The following SLC2A9 variants were observed in gnomAD, a reference collection of about 807,000 sequenced individuals.
The protein encoded by SLC2A9 is solute carrier family 2 member 9.
A neutral mutation model predicts 50.6 loss-of-function variants in SLC2A9; 39 were observed. That is an observed-to-expected ratio of 0.77 (90% confidence interval 0.60 to 1.01). SLC2A9 has a LOEUF of 1.01. SLC2A9 is among the 50% of genes least tolerant of loss of function. The pLI, the probability that SLC2A9 is intolerant of heterozygous loss-of-function variation, is 0.00. For missense variants in SLC2A9, 686 were observed against 677.6 expected (o/e 1.01, Z -0.14); for synonymous variants, 324 against 276.9 (o/e 1.17, Z -1.69).
At chr4:10,014,651 C>G (rs921868216) in intron 2 of SLC2A9, among the ~76,000 whole-genome samples, 1 of 152,208 alleles carries the variant, frequency 6.6e-6, no homozygotes, top group African/African-American at 2.4e-5. Context: ...CTGACCTCCC[C>G]AGGTAGAATA....
intron 5 of SLC2A9, among the ~76,000 whole-genome samples, chr4:9,976,350 TTCTC>T (rs34377168): frequency 1.3e-5 from 2 of 152,074 alleles, no homozygotes; most frequent in African/African-American, 4.8e-5. Context: ...AGCCCAGTTT[TTCTC>T]TCTCTTTTTT....
At chr4:9,777,098 C>T (rs185256774), downstream of SLC2A9, among the ~76,000 whole-genome samples, 98 of 152,242 alleles carry the variant, frequency 6.4e-4, no homozygotes, top group East Asian at 4.6e-3. Context: ...CACTGTATGA[C>T]ATTGTTTATT....
rs775037567 is a variant in SLC2A9, at chr4:9,920,452, T to C, written c.935A>G (p.Tyr312Cys). 6 of 1,614,132 alleles carry C rather than the reference T, an allele frequency of 3.7e-6. No individual in the cohort carries two copies. The East Asian group carries it at 1.3e-4, about 36-fold the overall frequency. Residue 312 changes from tyrosine to cysteine, a missense_variant, in exon 7 of 12, where the codon TAC becomes TGC. Physicochemically the swap from Tyr to Cys is radical, Grantham distance 194. Transcript: ENST00000264784. ...VSVLELLRAPYVRWQVVTVIV... is the reference protein window; with the variant it reads ...VSVLELLRAPCVRWQVVTVIV... ...CACGGTGACCACCTGCCAGCGGACGTAGGGAGCTCTCAGCAGCTCCAGCAC... is the reference window on the plus strand; with the variant it reads ...CACGGTGACCACCTGCCAGCGGACGCAGGGAGCTCTCAGCAGCTCCAGCAC...
intron 10 of SLC2A9, among the ~76,000 whole-genome samples, chr4:9,864,807 G>A (rs368139904): frequency 6.6e-6 from 1 of 152,258 alleles, no homozygotes; most frequent in African/African-American, 2.4e-5. Flanking sequence ...CAAACCCTGT[G>A]CCTGTGTTGT....
chr4:9,934,353 G>T (rs1746685417), intron 6 of SLC2A9, among the ~76,000 whole-genome samples: 1 of 152,200 alleles, frequency 6.6e-6, no homozygotes, highest in African/African-American at 2.4e-5. Context: ...GCTTCCCTGG[G>T]TAGCTGGACA....
At chr4:10,019,446 C>T (rs548254683) in intron 1 of SLC2A9, among the ~76,000 whole-genome samples, 1 of 152,360 alleles carries the variant, frequency 6.6e-6, no homozygotes, top group African/African-American at 2.4e-5. Context: ...GCGCTATCAG[C>T]CAGGCGTGAT....
chr4:9,917,737 G>A (rs1477523090), intron 7 of SLC2A9, among the ~76,000 whole-genome samples: 2 of 152,144 alleles, frequency 1.3e-5, no homozygotes, highest in Non-Finnish European at 2.9e-5. Flanking sequence ...TCTCAGCCAG[G>A]GGCAATTTTG....
chr4:9,880,175 G>C (rs956251735), intron 10 of SLC2A9: 52 of 985,368 alleles, frequency 5.3e-5, no homozygotes, highest in Non-Finnish European at 6.1e-5. Flanking sequence ...CATGGTCTAA[G>C]TGGCAGCTTT....
At chr4:9,795,795 T>C (rs1288910882), downstream of SLC2A9, among the ~76,000 whole-genome samples, 1 of 152,186 alleles carries the variant, frequency 6.6e-6, no homozygotes, top group Non-Finnish European at 1.5e-5. Context: ...TTTCCTTGTG[T>C]GGCTAGAGGG....
At chr4:9,819,597 C>T (rs1038124316) in intron 3 of SLC2A9, among the ~76,000 whole-genome samples, 4 of 152,140 alleles carry the variant, frequency 2.6e-5, no homozygotes, top group African/African-American at 9.7e-5. Context: ...AATATGTGAA[C>T]ATATTTTTAT....
chr4:9,964,274 T>C (rs1439952997), intron 5 of SLC2A9, among the ~76,000 whole-genome samples: 2 of 143,136 alleles, frequency 1.4e-5, no homozygotes, highest in African/African-American at 5.3e-5. Flanking sequence ...TTCTAACAAG[T>C]GCCTTCCCAG....
At chr4:10,006,967 G>A (rs570270272) in intron 2 of SLC2A9, among the ~76,000 whole-genome samples, 3 of 151,802 alleles carry the variant, frequency 2.0e-5, no homozygotes, top group Admixed American at 6.6e-5. Flanking sequence ...GTCACAACTC[G>A]TTGCTGTGGG....
In SLC2A9 at chr4:9,920,544, G is replaced by A. The variant is rs374095603; in HGVS notation, c.843C>T (p.Asp281=). The change falls in exon 7 of 12, where the codon GAC becomes GAT. Residue 281 remains aspartate, a synonymous_variant. Coordinates refer to ENST00000264784, the MANE Select transcript of SLC2A9 (RefSeq NM_020041.3). ...KAFQTFLGKA[D]VSQEVEEVLA... is the part of the protein sequence containing the mutation. ...GGACCTCCTCTACCTCTTGGGAAAC[G>A]TCTGCTTTACCCAAGAACGTTTGGA... 1.3e-5 allele frequency: 21 copies of A among 1,614,044 alleles called. No homozygotes were observed. The highest frequency in any genetic ancestry group is 2.2e-5 in the East Asian group (1 of 44,886).
At chr4:9,848,758 G>T (rs1357861795) in intron 10 of SLC2A9, among the ~76,000 whole-genome samples, 4 of 149,034 alleles carry the variant, frequency 2.7e-5, no homozygotes, top group Non-Finnish European at 5.9e-5. Context: ...GGAGTGGAGT[G>T]CAGTGGCACG....
At chr4:9,861,807 G>T (rs1429248666) in intron 10 of SLC2A9, among the ~76,000 whole-genome samples, 1 of 152,146 alleles carries the variant, frequency 6.6e-6, no homozygotes, top group Non-Finnish European at 1.5e-5. Context: ...AACCAAGTAT[G>T]TCGTAGGTGC....
At chr4:10,031,506 T>C (rs1305822343) in intron 1 of SLC2A9, among the ~76,000 whole-genome samples, 1 of 152,270 alleles carries the variant, frequency 6.6e-6, no homozygotes, top group Non-Finnish European at 1.5e-5. Flanking sequence ...GCCTCTCTGC[T>C]CCTGGGCAGC....
chr4:9,782,925 C>A, intron 3 of SLC2A9: 6 of 1,613,926 alleles, frequency 3.7e-6, no homozygotes, highest in Non-Finnish European at 5.1e-6. Flanking sequence ...AAGACCCTGT[C>A]GGTGATCATG....
chr4:9,860,047 C>A (rs755315345), intron 10 of SLC2A9, among the ~76,000 whole-genome samples: 8 of 152,158 alleles, frequency 5.3e-5, no homozygotes, highest in Non-Finnish European at 1.0e-4. Context: ...TTCTTCCTGC[C>A]AGGAGAAATT....
chr4:9,794,876 G>T (rs1277409756), downstream of SLC2A9, among the ~76,000 whole-genome samples: 3 of 152,156 alleles, frequency 2.0e-5, no homozygotes, highest in African/African-American at 7.2e-5. Flanking sequence ...ACCCACGTGG[G>T]TGTATGAGCC....
Sources: allele counts gnomAD v4.1 joint callset (sites outside exome capture counted in the v4.1 genomes callset), GRCh38; gene constraint gnomAD v4.1.1; transcripts MANE v1.5; gene names NCBI Gene and HGNC (gene_info 2026-07-23, HGNC 2026-07-21).